The following ZNF438 variants were observed in gnomAD, a reference collection of about 807,000 sequenced individuals.
ZNF438 encodes the protein zinc finger protein 438.
ZNF438 carries 25 observed loss-of-function variants against 38.0 expected under a neutral mutation model. That is an observed-to-expected ratio of 0.66 (90% CI 0.48 to 0.92). The LOEUF is 0.92. Ranked by LOEUF, ZNF438 falls within the 40% of genes least tolerant of loss-of-function variation. ZNF438 has a pLI of 0.00. For missense variants in ZNF438, 1,007 were observed against 999.6 expected, an observed-to-expected ratio of 1.01 and a Z score of -0.10; for synonymous variants, 372 against 364.1, an observed-to-expected ratio of 1.02 and a Z score of -0.25.
intron 4 of ZNF438, among the ~76,000 whole-genome samples, chr10:30,866,574 C>T (rs1408607433): frequency 6.6e-6 from 1 of 152,146 alleles, no homozygotes; most frequent in Non-Finnish European, 1.5e-5. Context: ...GTGGCTCACG[C>T]CTGTAATCCC....
rs527764093 is a variant in ZNF438, at chr10:31,008,440, C to T, written c.-192+23393G>A. On this transcript the variant is annotated intron_variant, in intron 1 of 5. Coordinates refer to ENST00000413025, the Ensembl canonical transcript of ZNF438. ...TCCCTATCCATTAGTAGTCATTCCCCATCTCCCTCCTCTAACCCTCTCAGC... is the reference window on the plus strand; with the variant it reads ...TCCCTATCCATTAGTAGTCATTCCCTATCTCCCTCCTCTAACCCTCTCAGC... Among the ~76,000 whole-genome samples, 9 of 152,318 alleles carry T rather than the reference C, an allele frequency of 5.9e-5. 1 individual carries two copies. In the South Asian group the frequency reaches 1.9e-3, roughly 32 times the overall value.
chr10:30,848,731 A>T lies in ZNF438; in HGVS notation c.1674T>A (p.His558Gln), dbSNP rs767028694. The T allele has an allele frequency of 6.2e-7, 1 of 1,614,126 alleles. No individual in the cohort carries two copies. Among genetic ancestry groups the T allele is most frequent in the Non-Finnish European group, 8.5e-7 (1 of 1,180,042 alleles). ...TGAGTTTCTTCAGACGGTTCTCACC[A>T]TGATGAAGTTTCATGTGTGTGCTCA... The change falls in exon 5 of 6, where the codon CAT (histidine) becomes CAA (glutamine). Residue 558 changes from histidine (H) to glutamine (Q), a missense_variant. Physicochemically the swap from His to Gln is conservative, Grantham distance 24 (BLOSUM62 0). Coordinates refer to ENST00000413025, the Ensembl canonical transcript of ZNF438.
chr10:31,018,674 C>A (rs1259269489), intron 1 of ZNF438, among the ~76,000 whole-genome samples: 8 of 152,174 alleles, frequency 5.3e-5, no homozygotes, highest in Middle Eastern at 3.2e-3. Flanking sequence ...TGCCAAAAAC[C>A]AGTGGCTAAA....
intron 1 of ZNF438, among the ~76,000 whole-genome samples, chr10:30,984,952 A>AT (rs1377816940): frequency 1.3e-5 from 2 of 151,918 alleles, no homozygotes; most frequent in South Asian, 2.1e-4. Context: ...TTTTCTAATG[A>AT]TTTTTTTTAA....
intron 2 of ZNF438, among the ~76,000 whole-genome samples, chr10:30,934,002 C>T (rs1331608561): frequency 3.3e-5 from 5 of 151,996 alleles, no homozygotes; most frequent in South Asian, 2.1e-4. Context: ...AAAAATTAGC[C>T]GGGTGTGGTG....
chr10:30,884,320 G>A (rs1564566159), intron 3 of ZNF438, among the ~76,000 whole-genome samples: 1 of 152,130 alleles, frequency 6.6e-6, no homozygotes, highest in African/African-American at 2.4e-5. Flanking sequence ...AAAATTTTTG[G>A]ATAGTTACAA....
chr10:30,883,861 G>A (rs1031989182), intron 3 of ZNF438, among the ~76,000 whole-genome samples: 1 of 152,200 alleles, frequency 6.6e-6, no homozygotes, highest in Non-Finnish European at 1.5e-5. Context: ...ACGCACTCCA[G>A]ACTAAGTGAC....
chr10:30,985,036 G>C (rs1370629334), intron 1 of ZNF438, among the ~76,000 whole-genome samples: 1 of 152,148 alleles, frequency 6.6e-6, no homozygotes, highest in African/African-American at 2.4e-5. Context: ...CCATGTGTGA[G>C]ATGCATGTGC....
chr10:30,929,680 A>G (rs1424266524), intron 2 of ZNF438, among the ~76,000 whole-genome samples: 1 of 152,164 alleles, frequency 6.6e-6, no homozygotes, highest in East Asian at 1.9e-4. Flanking sequence ...TGATTGGTCC[A>G]TTTTACAGAG....
intron 1 of ZNF438, among the ~76,000 whole-genome samples, chr10:30,983,687 G>T (rs1282146048): frequency 1.3e-5 from 2 of 152,140 alleles, no homozygotes; most frequent in East Asian, 3.9e-4. Context: ...GTATTTCCTT[G>T]AATCGTTTTT....
intron 3 of ZNF438, among the ~76,000 whole-genome samples, chr10:30,879,806 A>G (rs1436782690): frequency 1.3e-5 from 2 of 152,188 alleles, no homozygotes; most frequent in Non-Finnish European, 2.9e-5. Flanking sequence ...AAAAACAAAA[A>G]TCAGAATTGA....
chr10:30,974,791 G>T (rs2051151881), intron 1 of ZNF438, among the ~76,000 whole-genome samples: 1 of 152,166 alleles, frequency 6.6e-6, no homozygotes, highest in Non-Finnish European at 1.5e-5. Context: ...AGTTAGAAAG[G>T]ATCTTTGAGT....
chr10:30,844,916 G>A (rs1243104631), exon 6 of ZNF438: 2 of 1,577,822 alleles, frequency 1.3e-6, no homozygotes, highest in Non-Finnish European at 1.7e-6. Flanking sequence ...TCTGAAGGAA[G>A]GTGGCGGCAG....
chr10:30,909,349 G>A (rs2042869018), intron 2 of ZNF438, among the ~76,000 whole-genome samples: 1 of 152,036 alleles, frequency 6.6e-6, no homozygotes, highest in African/African-American at 2.4e-5. Context: ...TTCTCCATAA[G>A]CTTCTACTAT....
chr10:30,969,815 G>A (rs137867403), intron 1 of ZNF438, among the ~76,000 whole-genome samples: 548 of 149,450 alleles, frequency 3.7e-3, no homozygotes, highest in Non-Finnish European at 6.1e-3. Context: ...ACCAAAGCAA[G>A]GTAAGTTTTT....
intron 2 of ZNF438, among the ~76,000 whole-genome samples, chr10:30,935,809 C>A (rs1327100019): frequency 6.6e-6 from 1 of 152,078 alleles, no homozygotes; most frequent in Non-Finnish European, 1.5e-5. Flanking sequence ...GAGGGGAGAG[C>A]CCCTTATAAA....
chr10:30,933,065 C>A lies in ZNF438; in HGVS notation c.-115+8510G>T, dbSNP rs546624476. On this transcript the variant is annotated intron_variant, in intron 2 of 5. Transcript: ENST00000413025. The stretch of plus-strand genomic sequence containing the variant: ...GAGAATAAATTTCTGTTATTTAAAG[C>A]CACCCAGTTTGTAGTACTTGCTTAT... Among the ~76,000 whole-genome samples the A allele has an allele frequency of 3.3e-5, 5 of 152,294 alleles. No individual in the cohort carries two copies. In the South Asian group the frequency reaches 1.0e-3, roughly 32 times the overall value.
intron 2 of ZNF438, among the ~76,000 whole-genome samples, chr10:30,916,157 T>C (rs931470650): frequency 1.3e-5 from 2 of 152,040 alleles, no homozygotes; most frequent in African/African-American, 2.4e-5. Flanking sequence ...CCACCAAAAC[T>C]GTGGCCTCCA....
At chr10:31,016,818 T>C (rs543673552) in intron 1 of ZNF438, among the ~76,000 whole-genome samples, 9 of 152,374 alleles carry the variant, frequency 5.9e-5, no homozygotes, top group African/African-American at 2.2e-4. Flanking sequence ...AATTTCTTTG[T>C]AGGGGTTATG....
Sources: gnomAD v4.1 joint callset for allele counts (sites outside exome capture counted in the v4.1 genomes callset) on GRCh38, gnomAD v4.1.1 for gene constraint, MANE v1.5 for transcripts, NCBI Gene and HGNC (gene_info 2026-07-23, HGNC 2026-07-21) for gene names.